ARHGEF28: variants seen among roughly 807,000 people sequenced by gnomAD.
The protein encoded by ARHGEF28 is Rho guanine nucleotide exchange factor 28, also known as 190 kDa guanine nucleotide exchange factor.
ARHGEF28 carries 152 observed loss-of-function variants against 206.6 expected under a neutral mutation model. That is an observed-to-expected ratio of 0.74 (90% confidence interval 0.64 to 0.84). The LOEUF is 0.84. Among genes scored for constraint, ARHGEF28 ranks in the 40% least tolerant of loss-of-function variants. ARHGEF28 has a pLI of 0.00. For synonymous variants in ARHGEF28, 763 were observed against 776.4 expected (o/e 0.98, Z 0.29); for missense variants, 2,028 against 2,073.2 (o/e 0.98, Z 0.42).
At chr5:73,888,118 C>T (rs1761412454) in intron 26 of ARHGEF28, among the ~76,000 whole-genome samples, 1 of 152,200 alleles carries the variant, frequency 6.6e-6, no homozygotes, top group South Asian at 2.1e-4. Context: ...TCTCTTCCAG[C>T]ACCTGGCTTT....
intron 26 of ARHGEF28, among the ~76,000 whole-genome samples, chr5:73,888,560 C>G (rs1398527927): frequency 1.3e-5 from 2 of 152,150 alleles, no homozygotes; most frequent in Non-Finnish European, 2.9e-5. Context: ...TTTATAGAAA[C>G]CAATGCTTCT....
intron 35 of ARHGEF28, among the ~76,000 whole-genome samples, chr5:73,926,795 G>A (rs1339463767): frequency 2.0e-5 from 3 of 152,178 alleles, no homozygotes; most frequent in African/African-American, 7.2e-5. Flanking sequence ...CACTTAGCAG[G>A]ATATTCTGCT....
chr5:73,686,408 C>G (rs890374075), intron 2 of ARHGEF28, among the ~76,000 whole-genome samples: 8 of 152,166 alleles, frequency 5.3e-5, no homozygotes, highest in South Asian at 2.1e-4. Context: ...CATAGACTTA[C>G]TAGATTGTGA....
intron 16 of ARHGEF28, among the ~76,000 whole-genome samples, chr5:73,860,697 G>A (rs1229977648): frequency 1.3e-5 from 2 of 152,132 alleles, no homozygotes; most frequent in Admixed American, 6.5e-5. Context: ...TACAAGTTAT[G>A]ATCAGTACTT....
chr5:73,778,028 G>A (rs181924478), intron 6 of ARHGEF28: 2,753 of 151,748 alleles, frequency 0.018, 44 homozygotes, highest in Non-Finnish European at 0.031. Context: ...GCGGTGAGCC[G>A]AGATCGCACC....
intron 7 of ARHGEF28, among the ~76,000 whole-genome samples, chr5:73,793,094 C>T (rs1438642635): frequency 6.6e-6 from 1 of 152,154 alleles, no homozygotes; most frequent in African/African-American, 2.4e-5. Flanking sequence ...CTGGTTATTT[C>T]CTTGTTGGTT....
chr5:73,740,096 G>A (rs992251029), intron 2 of ARHGEF28, among the ~76,000 whole-genome samples: 1 of 147,932 alleles, frequency 6.8e-6, no homozygotes, highest in Non-Finnish European at 1.5e-5. Flanking sequence ...AGGATCCCTT[G>A]AGCCTAGGAA....
chr5:73,840,854 T>C (rs1307794123), intron 11 of ARHGEF28, 94 bp downstream of exon 11: 4 of 1,322,628 alleles, frequency 3.0e-6, no homozygotes, highest in Non-Finnish European at 3.0e-6. Flanking sequence ...TTATTGTCTC[T>C]ACCACTTTTA....
At chr5:73,748,654 G>A (rs946703649) in intron 2 of ARHGEF28, among the ~76,000 whole-genome samples, 1 of 152,128 alleles carries the variant, frequency 6.6e-6, no homozygotes, top group Non-Finnish European at 1.5e-5. Context: ...ATCTTGGCGA[G>A]CAGGTTTGTT....
chr5:73,924,266 G>A (rs1192761895), intron 35 of ARHGEF28, among the ~76,000 whole-genome samples: 2 of 152,178 alleles, frequency 1.3e-5, no homozygotes, highest in Non-Finnish European at 2.9e-5. Context: ...GAGATGACAG[G>A]CTGGCATAGT....
At chr5:73,674,545 T>C (rs1746536190) in intron 1 of ARHGEF28, among the ~76,000 whole-genome samples, 3 of 152,248 alleles carry the variant, frequency 2.0e-5, no homozygotes, top group Admixed American at 2.0e-4. Context: ...TTCTTTCTCC[T>C]GTTTCCTGGC....
rs1580650885 is a variant in ARHGEF28 at position 73,811,764 on chromosome 5, C to T, written c.1024+16373C>T. Among the ~76,000 whole-genome samples the T allele has an allele frequency of 3.3e-5, 5 of 152,204 alleles. No homozygotes were observed. The South Asian group carries it at 8.3e-4, about 25-fold the overall frequency. On this transcript the variant is annotated intron_variant, in intron 9 of 35. Coordinates refer to ENST00000513042, the MANE Select transcript of ARHGEF28 (RefSeq NM_001177693.2). ...TTGGGAGGCCAAGGTGGGTGGATCA[C>T]GTGAGGTCAGGAGTTCGAGACCAGC...
chr5:73,934,486 T>C (rs575110190), intron 35 of ARHGEF28, among the ~76,000 whole-genome samples: 1 of 152,334 alleles, frequency 6.6e-6, no homozygotes, highest in South Asian at 2.1e-4. Flanking sequence ...ATTGCCTGGG[T>C]GTAATATAGA....
chr5:73,790,104 A>G (rs1754386417), intron 7 of ARHGEF28, among the ~76,000 whole-genome samples: 1 of 152,340 alleles, frequency 6.6e-6, no homozygotes, highest in Non-Finnish European at 1.5e-5. Flanking sequence ...TGTGGCTCCA[A>G]AATCATTTCT....
At chr5:73,679,850 C>T (rs866897120) in intron 1 of ARHGEF28, among the ~76,000 whole-genome samples, 18 of 152,132 alleles carry the variant, frequency 1.2e-4, no homozygotes. Flanking sequence ...ATAACCAGCA[C>T]GTCTCAATGT....
chr5:73,732,487 C>T (rs1272418009), intron 2 of ARHGEF28, among the ~76,000 whole-genome samples: 1 of 152,198 alleles, frequency 6.6e-6, no homozygotes, highest in East Asian at 1.9e-4. Flanking sequence ...TACTGAAAGA[C>T]ATCTTGGTTG....
chr5:73,675,992 A>AG (rs1418046287), intron 1 of ARHGEF28, among the ~76,000 whole-genome samples: 9 of 150,732 alleles, frequency 6.0e-5, no homozygotes, highest in African/African-American at 4.9e-5. Context: ...TTAATTAAGG[A>AG]GGGGGGTGTG....
In ARHGEF28 at chr5:73,909,785, G is replaced by T; in HGVS notation, c.4535G>T (p.Arg1512Leu). The change falls in exon 34 of 36, where the codon CGC (arginine) becomes CTC (leucine). Residue 1512 changes from arginine to leucine, a missense_variant. Physicochemically the swap from Arg to Leu is moderately radical, Grantham distance 102. Coordinates refer to ENST00000513042, the MANE Select transcript of ARHGEF28 (RefSeq NM_001177693.2). Reference protein sequence around the residue: ...HSLERLREGQRLVEREQARMR... With the variant: ...HSLERLREGQLLVEREQARMR... ...CTGGAGCGGCTGAGGGAGGGCCAGCGCCTGGTGGAGAGGGAGCAGGCGAGG... is the reference window on the plus strand; with the variant it reads ...CTGGAGCGGCTGAGGGAGGGCCAGCTCCTGGTGGAGAGGGAGCAGGCGAGG... 1.3e-6 allele frequency: 2 copies of T among 1,519,306 alleles called. No individual in the cohort carries two copies. Among genetic ancestry groups the T allele is most frequent in the Non-Finnish European group, 1.8e-6 (2 of 1,138,396 alleles). The allele number at this position is 1,519,306 out of a possible 1,614,324, so 94.1% of individuals were successfully genotyped here. A position where few individuals can be genotyped will look rare whatever the true frequency, so the allele number is the denominator to read the frequency against.
In ARHGEF28 at chr5:73,826,200, G is replaced by T. The variant is rs1301182492; in HGVS notation, c.1025-6138G>T. ...TGTAGGTCACAGAAGGTGCGACTGA[G>T]AGCTGACTATAGGTTCTGTCATTTG... is the stretch of plus-strand genomic sequence containing the variant. On this transcript the variant is annotated intron_variant, in intron 9 of 35. Transcript: ENST00000513042. Among the ~76,000 whole-genome samples, 5 of 152,154 alleles carry T rather than the reference G, an allele frequency of 3.3e-5. No individual in the cohort carries two copies. In the South Asian group the frequency reaches 6.2e-4, roughly 19 times the overall value.
Sources: allele counts gnomAD v4.1 joint callset (sites outside exome capture counted in the v4.1 genomes callset), GRCh38; gene constraint gnomAD v4.1.1; transcripts MANE v1.5; gene names NCBI Gene and HGNC (gene_info 2026-07-23, HGNC 2026-07-21).